Variants in NUP188 observed in about 807,000 individuals in gnomAD.
NUP188 encodes nucleoporin 188.
Under a neutral mutation model 223.0 loss-of-function variants are expected in NUP188, and 97 were observed. The observed-to-expected ratio is 0.43, with a 90% CI of 0.37 to 0.51. NUP188 has a LOEUF of 0.51. NUP188 is among the 20% of genes least tolerant of loss of function. NUP188 has a pLI of 0.00. For missense variants in NUP188, 1,947 were observed against 2,175.6 expected (o/e 0.89, Z 2.09); for synonymous variants, 869 against 828.0 (o/e 1.05, Z -0.85).
At chr9:128,980,371 TGGCTGG>T (rs1842237998) in intron 13 of NUP188, among the ~76,000 whole-genome samples, 2 of 152,342 alleles carry the variant, frequency 1.3e-5, no homozygotes, top group African/African-American at 4.8e-5. Context: ...ATAGAAAGGA[TGGCTGG>T]GAAGAGGTCA....
At chr9:128,956,312 A>G in intron 3 of NUP188, 38 bp from the exon 4 acceptor site, 2 of 1,244,242 alleles carry the variant, frequency 1.6e-6, no homozygotes, top group South Asian at 2.8e-5. Context: ...TCAGTGGGCT[A>G]TTGAGAATGA....
At chr9:128,985,074 ACT>A (rs2131169232) in intron 20 of NUP188, 60 bp downstream of exon 20, 3 of 1,200,046 alleles carry the variant, frequency 2.5e-6, no homozygotes, top group Non-Finnish European at 3.7e-6. Context: ...TTGTCAGATG[ACT>A]CTGAAATAGT....
chr9:129,005,141 T>C lies in NUP188; in HGVS notation c.4435-6T>C. The C allele has an allele frequency of 6.2e-7, 1 of 1,611,066 alleles. No homozygotes were observed. The highest frequency in any genetic ancestry group is 1.7e-4 in the Middle Eastern group (1 of 6,058). On this transcript the variant is annotated splice_polypyrimidine_tract_variant and splice_region_variant and intron_variant, in intron 38 of 43. Transcript: ENST00000372577. ...AATCCGCTCATCTCTCCTGTGTCTCTCCCAGGTCAACCTGGGTTACTTGTG... is the reference window on the plus strand; with the variant it reads ...AATCCGCTCATCTCTCCTGTGTCTCCCCCAGGTCAACCTGGGTTACTTGTG...
At chr9:129,003,242 C>T (rs1842707234) in intron 37 of NUP188, 75 bp from the exon 38 acceptor site, 3 of 1,533,640 alleles carry the variant, frequency 2.0e-6, no homozygotes, top group Non-Finnish European at 2.6e-6. Flanking sequence ...GTTGCCTCTC[C>T]ACAGGAGGGT....
rs762200030 is a variant in NUP188 at position 129,001,708 on chromosome 9, C to T, written c.4023C>T (p.Leu1341=). The T allele has an allele frequency of 1.2e-6, 2 of 1,613,818 alleles. No homozygotes were observed. The highest frequency in any genetic ancestry group is 2.2e-5 in the East Asian group (1 of 44,856). ...CTGAGGCCACATTGCATCTGCTCCT[C>T]ACCCTGGCTCGCACTCAGCAGGTAG... is the stretch of plus-strand genomic sequence containing the variant. ...HFTEATLHLL[L]TLARTQQGAT... Residue 1341 remains leucine, a synonymous_variant, in exon 35 of 44, where the codon CTC becomes CTT. Coordinates refer to ENST00000372577, the MANE Select transcript of NUP188 (RefSeq NM_015354.3).
intron 20 of NUP188, among the ~76,000 whole-genome samples, chr9:128,986,265 C>G (rs145008236): frequency 9.2e-5 from 14 of 152,246 alleles, no homozygotes; most frequent in African/African-American, 3.4e-4. Flanking sequence ...CAGCAATCCT[C>G]TATCCTTTAT....
intron 8 of NUP188, among the ~76,000 whole-genome samples, chr9:128,965,403 G>A (rs1842013524): frequency 6.6e-6 from 1 of 151,916 alleles, no homozygotes; most frequent in Admixed American, 6.6e-5. Context: ...CTAGTGCTGT[G>A]CTCTTACTCA....
rs146351654 is a variant in NUP188, at chr9:128,979,180, T to C, written c.1204-82T>C. On this transcript the variant is annotated intron_variant, in intron 12 of 43. Coordinates refer to ENST00000372577, the MANE Select transcript of NUP188 (RefSeq NM_015354.3). ...TAGTGTTTATTGGTGTTTTGGTGTT[T>C]TTATTTCAACAGAATACAATAATAA... 343 of 1,077,732 alleles carry C rather than the reference T, an allele frequency of 3.2e-4. 3 individuals carry two copies. In the East Asian group the frequency reaches 8.5e-3, roughly 27 times the overall value. The allele number at this position is 1,077,732 out of a possible 1,614,324, so 66.8% of individuals were successfully genotyped here.
chr9:129,005,566 A>G lies in NUP188; in HGVS notation c.4737+36A>G, dbSNP rs374161195. 3.7e-5 allele frequency: 60 copies of G among 1,610,982 alleles called. No individual in the cohort carries two copies. In the African/African-American group the frequency reaches 6.7e-4, roughly 18 times the overall value. ...TCATCTGTTCAGCACCACCTCCCCT[A>G]AAGGCTCTGCTCTGCTGTGTACCGA... On this transcript the variant is annotated intron_variant, in intron 40 of 43. Coordinates refer to ENST00000372577, the MANE Select transcript of NUP188 (RefSeq NM_015354.3).
At chr9:128,950,219 G>A (rs1006489901) in intron 2 of NUP188, among the ~76,000 whole-genome samples, 8 of 151,982 alleles carry the variant, frequency 5.3e-5, no homozygotes, top group South Asian at 4.2e-4. Context: ...CACCACACCC[G>A]GCTACGTTTT....
intron 8 of NUP188, among the ~76,000 whole-genome samples, chr9:128,965,922 C>G (rs1460486080): frequency 1.3e-5 from 2 of 151,450 alleles, no homozygotes; most frequent in Admixed American, 6.6e-5. Flanking sequence ...CTCAGCCTCC[C>G]AAATAGCTGG....
chr9:128,951,791 AT>A (rs781580322), intron 2 of NUP188, among the ~76,000 whole-genome samples: 5,922 of 138,244 alleles, frequency 0.043, 279 homozygotes, highest in African/African-American at 0.12. Flanking sequence ...CTGGAATCTG[AT>A]TTTTTTTTTT....
At chr9:128,956,153 C>T (rs1387039349) in intron 3 of NUP188, among the ~76,000 whole-genome samples, 197 bp from the exon 4 acceptor site, 1 of 148,550 alleles carries the variant, frequency 6.7e-6, no homozygotes, top group African/African-American at 2.5e-5. Context: ...ATAACCAGTT[C>T]TGCGTTATGA....
rs1255057148 is a variant in NUP188, at chr9:128,988,202, C to T, written c.2533+16C>T. The T allele has an allele frequency of 6.8e-6, 11 of 1,613,394 alleles. No homozygotes were observed. The highest frequency in any genetic ancestry group is 1.3e-5 in the African/African-American group (1 of 74,844). On this transcript the variant is annotated intron_variant, in intron 24 of 43. Transcript: ENST00000372577. ...TCACAACATGGTATGTATTTCTCTTCCAGTCACAACATGGTATGTATTTCT... is the reference window on the plus strand; with the variant it reads ...TCACAACATGGTATGTATTTCTCTTTCAGTCACAACATGGTATGTATTTCT...
At chr9:128,949,489 C>T (rs372895236) in intron 2 of NUP188, among the ~76,000 whole-genome samples, 6 of 151,934 alleles carry the variant, frequency 3.9e-5, no homozygotes, top group East Asian at 3.9e-4. Flanking sequence ...TGCACCACCA[C>T]GCCCGACTAA....
At position 128,986,821 on chromosome 9, in the gene NUP188, T is replaced by C. The variant is rs1336437639; in HGVS notation, c.2210T>C (p.Leu737Ser). Residue 737 changes from leucine to serine, a missense_variant, in exon 22 of 44, where the codon TTG becomes TCG. Physicochemically the swap from Leu to Ser is moderately radical, Grantham distance 145. This residue lies in a region of NUP188 where 225 missense variants were observed against 319.1 expected (regional missense o/e 0.71). Transcript: ENST00000372577. ...TTCTGGAGTCCAGGTTGCCTGATCT[T>C]GGAGCTGATTCATGCGATACTGAAC... Reference protein sequence around the residue: ...GVREQIGCLILELIHAILNLC... With the variant: ...GVREQIGCLISELIHAILNLC... 3.7e-5 allele frequency: 59 copies of C among 1,613,940 alleles called. No homozygotes were observed. Among genetic ancestry groups the C allele is most frequent in the Non-Finnish European group, 4.8e-5 (57 of 1,179,970 alleles).
rs550728222 is a variant in NUP188, at chr9:129,006,358, G to C, written c.5063G>C (p.Ser1688Thr). 6 of 1,614,214 alleles carry C rather than the reference G, an allele frequency of 3.7e-6. No homozygotes were observed. The highest frequency in any genetic ancestry group is 1.1e-5 in the South Asian group (1 of 91,086). ...AAACAGCGGATGAAGCAGGAGCTCA[G>C]CTCTGAGTTGGTACGGATGGATAGG... ...RDKQRMKQEL[S>T]SELSTLLSSL... The change falls in exon 43 of 44, where the codon AGC becomes ACC. Residue 1688 changes from serine (S) to threonine (T), a missense_variant. Coordinates refer to ENST00000372577, the MANE Select transcript of NUP188 (RefSeq NM_015354.3).
At position 129,005,435 on chromosome 9, in the gene NUP188, C is replaced by A. The variant is rs1270947821; in HGVS notation, c.4642C>A (p.His1548Asn). 6.2e-7 allele frequency: 1 copy of A among 1,608,868 alleles called. No individual in the cohort carries two copies. The highest frequency in any genetic ancestry group is 1.1e-5 in the South Asian group (1 of 91,088). Residue 1548 changes from histidine to asparagine, a missense_variant, in exon 40 of 44, where the codon CAC (histidine) becomes AAC (asparagine). This residue lies in a region of NUP188 where 905 missense variants were observed against 990.6 expected (regional missense o/e 0.91). Coordinates refer to ENST00000372577, the MANE Select transcript of NUP188 (RefSeq NM_015354.3). The stretch of plus-strand genomic sequence containing the variant: ...AGAGGCATCAGAGCAGCAGGCCTTG[C>A]ACACAGTCCAGTATGGCCTTCTCAA... ...DTEASEQQAL[H>N]TVQYGLLKIL...
At chr9:128,985,643 A>G (rs1324595994) in intron 20 of NUP188, among the ~76,000 whole-genome samples, 5 of 152,252 alleles carry the variant, frequency 3.3e-5, no homozygotes, top group Non-Finnish European at 7.3e-5. Flanking sequence ...TCTCTAAAAC[A>G]GAATGCTATA....
Sources: allele counts gnomAD v4.1 joint callset (sites outside exome capture counted in the v4.1 genomes callset), GRCh38; gene constraint gnomAD v4.1.1; regional missense constraint gnomAD v4.1.1; transcripts MANE v1.5; gene names NCBI Gene and HGNC (gene_info 2026-07-23, HGNC 2026-07-21).